DOCK10: variants seen among roughly 807,000 people sequenced by gnomAD.
DOCK10 encodes dedicator of cytokinesis 10.
A neutral mutation model predicts 280.1 loss-of-function variants in DOCK10; 145 were observed. The ratio of observed to expected loss-of-function variants is 0.52; its 90% CI spans 0.45 to 0.59. DOCK10 has a LOEUF of 0.59. Ranked by LOEUF, DOCK10 falls within the 20% of genes least tolerant of loss-of-function variation. The pLI is 0.00. For missense variants in DOCK10, 2,368 were observed against 2,651.7 expected (o/e 0.89, Z 2.35); for synonymous variants, 915 against 942.2 (o/e 0.97, Z 0.53).
intron 2 of DOCK10, among the ~76,000 whole-genome samples, chr2:224,930,060 G>A (rs1010870717): frequency 6.6e-6 from 1 of 151,992 alleles, no homozygotes; most frequent in African/African-American, 2.4e-5. Flanking sequence ...AATTAGCCGG[G>A]TGTGGTGGCA....
chr2:224,799,882 G>C (rs1339123056), intron 41 of DOCK10, among the ~76,000 whole-genome samples: 1 of 152,090 alleles, frequency 6.6e-6, no homozygotes, highest in Non-Finnish European at 1.5e-5. Context: ...ACTCAGCCCA[G>C]CTTGCCTGAG....
chr2:224,908,415 TTGTGTG>T (rs57986119), intron 3 of DOCK10, among the ~76,000 whole-genome samples: 1,680 of 141,140 alleles, frequency 0.012, 7 homozygotes, highest in Admixed American at 0.014. Flanking sequence ...TCATCATCGT[TTGTGTG>T]TGTGTGTGTG....
chr2:224,867,686 A>G (rs1204228626), intron 11 of DOCK10, among the ~76,000 whole-genome samples: 2 of 152,266 alleles, frequency 1.3e-5, no homozygotes, highest in Admixed American at 6.5e-5. Flanking sequence ...CAGGAAAAGA[A>G]CATTAGAGTG....
intron 9 of DOCK10, 90 bp from the exon 10 acceptor site, chr2:224,874,439 A>C: frequency 9.5e-7 from 1 of 1,049,916 alleles, no homozygotes; most frequent in South Asian, 1.5e-5. Context: ...GCCCCTTAGT[A>C]TTATCACCAT....
chr2:224,775,767 A>G (rs1330107878), intron 51 of DOCK10, among the ~76,000 whole-genome samples: 1 of 152,156 alleles, frequency 6.6e-6, no homozygotes, highest in Non-Finnish European at 1.5e-5. Flanking sequence ...GGGCCACTGC[A>G]CCCAGCCCTA....
At chr2:224,848,835 TGCTGCCATTCATTG>T (rs1696535011) in intron 19 of DOCK10, among the ~76,000 whole-genome samples, 1 of 152,176 alleles carries the variant, frequency 6.6e-6, no homozygotes, top group African/African-American at 2.4e-5. Flanking sequence ...TGACATGAAA[TGCTGCCATTCATTG>T]GTAAAGCTAT....
intron 1 of DOCK10, chr2:224,983,462 C>G (rs925962850): frequency 4.7e-6 from 1 of 211,012 alleles, no homozygotes; most frequent in African/African-American, 2.3e-5. Flanking sequence ...ATCTTGAGAT[C>G]TTTCTGCCAA....
In DOCK10 at chr2:224,834,970, G is replaced by A. The variant is rs555549102; in HGVS notation, c.2851-707C>T. Among the ~76,000 whole-genome samples, 10 of 152,258 alleles carry A rather than the reference G, an allele frequency of 6.6e-5. No homozygotes were observed. In the South Asian group the frequency reaches 1.9e-3, roughly 28 times the overall value. On this transcript the variant is annotated intron_variant, in intron 25 of 55. Coordinates refer to ENST00000258390, the MANE Select transcript of DOCK10 (RefSeq NM_014689.3). ...TTCACTTATGAATTGGGTTTGCCTC[G>A]TGGAAGGACATTTCTTCATAATTTT...
At chr2:224,882,439 C>A (rs1699030344) in intron 7 of DOCK10, among the ~76,000 whole-genome samples, 1 of 152,060 alleles carries the variant, frequency 6.6e-6, no homozygotes, top group South Asian at 2.1e-4. Context: ...GGCCAAGATT[C>A]AGGAAATTGT....
At chr2:224,995,323 T>C (rs1422613800) in intron 1 of DOCK10, among the ~76,000 whole-genome samples, 1 of 152,212 alleles carries the variant, frequency 6.6e-6, no homozygotes, top group Non-Finnish European at 1.5e-5. Flanking sequence ...GTAGAGGTTG[T>C]TGGAGTCCGC....
chr2:224,794,356 C>G (rs1209587747), intron 45 of DOCK10, among the ~76,000 whole-genome samples: 1 of 152,230 alleles, frequency 6.6e-6, no homozygotes, highest in Non-Finnish European at 1.5e-5. Context: ...AGTATTGAAA[C>G]TGACATAAAA....
intron 1 of DOCK10, among the ~76,000 whole-genome samples, chr2:224,938,818 A>C (rs1300835909): frequency 6.6e-6 from 1 of 152,208 alleles, no homozygotes; most frequent in Non-Finnish European, 1.5e-5. Context: ...TAACAGATTT[A>C]ATTTAGCCTT....
In DOCK10 at chr2:224,815,150, T is replaced by C. The variant is rs150062772; in HGVS notation, c.3365-786A>G. Among the ~76,000 whole-genome samples, 659 of 152,282 alleles carry C rather than the reference T, an allele frequency of 4.3e-3. 3 individuals are homozygous for C. The highest frequency in any genetic ancestry group is 0.015 in the African/African-American group (618 of 41,552). ...TTCTCATGACAGTAAGTGAGTTCTC[T>C]TGAGAGCCGATGGTTTTAAAGTGTG... On this transcript the variant is annotated intron_variant, in intron 30 of 55. Transcript: ENST00000258390.
intron 29 of DOCK10, among the ~76,000 whole-genome samples, chr2:224,817,765 A>T (rs1371183287): frequency 6.6e-6 from 1 of 152,228 alleles, no homozygotes; most frequent in African/African-American, 2.4e-5. Context: ...AAACCAGATG[A>T]CATAAAATCA....
chr2:224,917,930 C>T (rs1299935842), intron 2 of DOCK10, among the ~76,000 whole-genome samples: 1 of 152,096 alleles, frequency 6.6e-6, no homozygotes, highest in Non-Finnish European at 1.5e-5. Context: ...GCTGAGATCT[C>T]GTATATTGCA....
intron 50 of DOCK10, among the ~76,000 whole-genome samples, chr2:224,778,933 C>T (rs1206108658): frequency 2.0e-5 from 3 of 152,126 alleles, no homozygotes; most frequent in African/African-American, 7.2e-5. Context: ...ATTCACCTTA[C>T]TAAGAGATCT....
intron 1 of DOCK10, among the ~76,000 whole-genome samples, chr2:224,935,564 C>A (rs1232706261): frequency 6.6e-6 from 1 of 152,186 alleles, no homozygotes; most frequent in Non-Finnish European, 1.5e-5. Context: ...AGCTGTGGAA[C>A]TTCAGCCGTG....
chr2:224,857,272 G>A (rs531142205), intron 14 of DOCK10, among the ~76,000 whole-genome samples: 2 of 152,270 alleles, frequency 1.3e-5, no homozygotes, highest in African/African-American at 4.8e-5. Flanking sequence ...GGAGTATCAG[G>A]GAAGTGGAGA....
At chr2:224,983,099 A>C (rs1482946547) in intron 1 of DOCK10, among the ~76,000 whole-genome samples, 1 of 152,180 alleles carries the variant, frequency 6.6e-6, no homozygotes, top group African/African-American at 2.4e-5. Context: ...TGCAGGGCTG[A>C]AAATATCTCT....
Sources: allele counts gnomAD v4.1 joint callset (sites outside exome capture counted in the v4.1 genomes callset), GRCh38; gene constraint gnomAD v4.1.1; transcripts MANE v1.5; gene names NCBI Gene and HGNC (gene_info 2026-07-23, HGNC 2026-07-21).